Variants in CSMD3 observed in about 807,000 individuals in gnomAD.
CSMD3 encodes CUB and sushi domain-containing protein 3.
A neutral mutation model predicts 435.2 loss-of-function variants in CSMD3; 177 were observed. The ratio of observed to expected loss-of-function variants is 0.41; its 90% CI spans 0.36 to 0.46. CSMD3 has a LOEUF of 0.46. Ranked by LOEUF, CSMD3 falls within the 20% of genes least tolerant of loss-of-function variation. CSMD3 has a pLI of 0.34. For synonymous variants in CSMD3, 1,656 were observed against 1,520.5 expected (o/e 1.09, Z -2.07); for missense variants, 4,265 against 4,504.6 (o/e 0.95, Z 1.52).
At chr8:112,612,535 C>T (rs1833337227) in intron 22 of CSMD3, among the ~76,000 whole-genome samples, 2 of 152,004 alleles carry the variant, frequency 1.3e-5, no homozygotes, top group Admixed American at 6.6e-5. Flanking sequence ...AGCAGACCCT[C>T]TCGAATTCTT....
At chr8:113,315,512 G>C (rs1019863369) in intron 1 of CSMD3, among the ~76,000 whole-genome samples, 2 of 151,412 alleles carry the variant, frequency 1.3e-5, no homozygotes, top group African/African-American at 2.4e-5. Flanking sequence ...AAGTTACTGA[G>C]AGCATGAGTT....
intron 14 of CSMD3, among the ~76,000 whole-genome samples, chr8:112,687,184 G>A (rs549130661): frequency 8.6e-5 from 13 of 151,820 alleles, no homozygotes; most frequent in African/African-American, 3.1e-4. Flanking sequence ...AAATATCAGA[G>A]AATACAACAC....
chr8:112,359,466 A>G (rs1404352313), intron 38 of CSMD3, among the ~76,000 whole-genome samples: 1 of 152,230 alleles, frequency 6.6e-6, no homozygotes, highest in East Asian at 1.9e-4. Flanking sequence ...GGAGGCACTC[A>G]GTAAACATTA....
At position 113,098,785 on chromosome 8, in the gene CSMD3, T is replaced by C; in HGVS notation, c.888A>G (p.Glu296=). Residue 296 remains glutamate, a synonymous_variant, in exon 5 of 71, where the codon GAA becomes GAG. Transcript: ENST00000297405. The part of the protein sequence containing the change: ...FQMEEKYDYL[E]IEGSEPPTIW... ...TGGTAGGTGGCTCAGAACCTTCTAT[T>C]TCTAAGTAATCATATTTCTCTTCCA... 1 of 1,612,146 alleles carries C rather than the reference T, an allele frequency of 6.2e-7. No homozygotes were observed. Among genetic ancestry groups the C allele is most frequent in the Non-Finnish European group, 8.5e-7 (1 of 1,178,536 alleles).
chr8:112,634,674 G>A (rs188682420), intron 22 of CSMD3, among the ~76,000 whole-genome samples: 1 of 151,916 alleles, frequency 6.6e-6, no homozygotes, highest in Non-Finnish European at 1.5e-5. Flanking sequence ...TTTTTGCAAT[G>A]TCAGGTTTTC....
chr8:112,500,784 A>G, intron 30 of CSMD3, among the ~76,000 whole-genome samples: 1 of 152,190 alleles, frequency 6.6e-6, no homozygotes, highest in South Asian at 2.1e-4. Flanking sequence ...CCATAGGAAA[A>G]GGCTACCTGG....
chr8:112,303,893 G>A (rs1260547846), intron 52 of CSMD3, among the ~76,000 whole-genome samples: 2 of 151,984 alleles, frequency 1.3e-5, no homozygotes, highest in African/African-American at 2.4e-5. Flanking sequence ...GGGTCTCTAT[G>A]CAATATATAC....
rs1241178964 is a variant in CSMD3, at chr8:112,346,346, A to C, written c.6326-133T>G. On this transcript the variant is annotated intron_variant, in intron 40 of 70. Coordinates refer to ENST00000297405, the MANE Select transcript of CSMD3 (RefSeq NM_198123.2). Reference sequence around the variant, plus strand: ...ATATAAATTTGAATATTGTCTGTTCACTCACTATACACTAGGAATTAAATA... The same window carrying C: ...ATATAAATTTGAATATTGTCTGTTCCCTCACTATACACTAGGAATTAAATA... 4 of 703,020 alleles carry C rather than the reference A, an allele frequency of 5.7e-6. No homozygotes were observed. In the Admixed American group the frequency reaches 8.1e-5, roughly 14 times the overall value. The allele number at this position is 703,020 out of a possible 1,614,324, so 43.5% of individuals were successfully genotyped here. A position where few individuals can be genotyped will look rare whatever the true frequency, so the allele number is the denominator to read the frequency against.
intron 11 of CSMD3, among the ~76,000 whole-genome samples, chr8:112,856,010 A>T (rs545850173): frequency 6.6e-6 from 1 of 152,108 alleles, no homozygotes; most frequent in East Asian, 1.9e-4. Flanking sequence ...AAGAACAAAC[A>T]GATTGAGGTA....
At chr8:112,966,201 A>T (rs933760030) in intron 7 of CSMD3, among the ~76,000 whole-genome samples, 1 of 151,758 alleles carries the variant, frequency 6.6e-6, no homozygotes, top group Non-Finnish European at 1.5e-5. Flanking sequence ...AATAAAATTA[A>T]GTAATTCTAT....
chr8:112,259,880 ATAAC>A (rs1354245975), intron 61 of CSMD3, among the ~76,000 whole-genome samples: 1 of 152,144 alleles, frequency 6.6e-6, no homozygotes, highest in African/African-American at 2.4e-5. Flanking sequence ...AATTGTTTCT[ATAAC>A]TAACTTATTG....
chr8:112,836,580 C>CA (rs1429612791), intron 11 of CSMD3, among the ~76,000 whole-genome samples: 1 of 151,662 alleles, frequency 6.6e-6, no homozygotes, highest in Non-Finnish European at 1.5e-5. Context: ...CAAAGAAGTA[C>CA]AAAAAATCAG....
At chr8:113,234,474 A>T (rs571416705) in intron 3 of CSMD3, among the ~76,000 whole-genome samples, 1 of 152,154 alleles carries the variant, frequency 6.6e-6, no homozygotes, top group South Asian at 2.1e-4. Flanking sequence ...GCCAGTCTCT[A>T]TAAGTTTCTG....
intron 4 of CSMD3, among the ~76,000 whole-genome samples, chr8:113,101,843 T>C (rs1023949297): frequency 1.6e-4 from 24 of 152,096 alleles, no homozygotes; most frequent in Admixed American, 1.4e-3. Context: ...AGGTAAACTT[T>C]TCTTCAGTAA....
At chr8:112,896,133 A>G (rs908034709) in intron 10 of CSMD3, among the ~76,000 whole-genome samples, 2 of 151,442 alleles carry the variant, frequency 1.3e-5, no homozygotes, top group Admixed American at 6.6e-5. Flanking sequence ...GTGAAGTCAT[A>G]AAAGGCTCCA....
intron 11 of CSMD3, among the ~76,000 whole-genome samples, chr8:112,835,186 T>A (rs1248286947): frequency 6.6e-6 from 1 of 151,908 alleles, no homozygotes; most frequent in African/African-American, 2.4e-5. Context: ...ACTTGGTAGA[T>A]CCATTTCTCA....
At chr8:112,793,672 GA>G (rs2078750529) in intron 13 of CSMD3, among the ~76,000 whole-genome samples, 1 of 152,162 alleles carries the variant, frequency 6.6e-6, no homozygotes, top group Non-Finnish European at 1.5e-5. Flanking sequence ...GTGATGCACA[GA>G]AAATGGAAGT....
At chr8:113,298,019 G>T (rs779473117) in intron 2 of CSMD3, among the ~76,000 whole-genome samples, 4 of 152,014 alleles carry the variant, frequency 2.6e-5, no homozygotes, top group Admixed American at 6.6e-5. Flanking sequence ...AACAGGCTTT[G>T]ATACAACACA....
intron 24 of CSMD3, among the ~76,000 whole-genome samples, chr8:112,562,680 C>T (rs977895957): frequency 2.6e-5 from 4 of 151,350 alleles, no homozygotes; most frequent in African/African-American, 9.7e-5. Flanking sequence ...GAACTTAATT[C>T]ATAATATTAG....
Sources: gnomAD v4.1 joint callset for allele counts (sites outside exome capture counted in the v4.1 genomes callset) on GRCh38, gnomAD v4.1.1 for gene constraint, MANE v1.5 for transcripts, NCBI Gene and HGNC (gene_info 2026-07-23, HGNC 2026-07-21) for gene names.